TACR1: variants seen among roughly 807,000 people sequenced by gnomAD.
The protein encoded by TACR1 is tachykinin receptor 1.
Under a neutral mutation model 35.8 loss-of-function variants are expected in TACR1, and 25 were observed. That is an observed-to-expected ratio of 0.70 (90% CI 0.51 to 0.98). TACR1 has a LOEUF of 0.98. Among genes scored for constraint, TACR1 ranks in the 50% least tolerant of loss-of-function variants. TACR1 has a pLI of 0.00. For missense variants in TACR1, 478 were observed against 522.9 expected (o/e 0.91, Z 0.84); for synonymous variants, 195 against 206.7 (o/e 0.94, Z 0.48).
At chr2:75,050,977 G>T (rs556584603) in intron 4 of TACR1, 48 of 465,532 alleles carry the variant, frequency 1.0e-4, no homozygotes, top group African/African-American at 8.8e-4. Context: ...TCCCCCACTA[G>T]CTGCCAGTAT....
intron 1 of TACR1, among the ~76,000 whole-genome samples, chr2:75,142,499 A>ATT (rs1451287557): frequency 1.3e-5 from 2 of 152,266 alleles, no homozygotes; most frequent in Non-Finnish European, 2.9e-5. Context: ...GCAATGAATA[A>ATT]TAACGATAGA....
intron 2 of TACR1, among the ~76,000 whole-genome samples, chr2:75,056,568 C>T (rs969508120): frequency 1.3e-5 from 2 of 152,214 alleles, no homozygotes; most frequent in Non-Finnish European, 2.9e-5. Context: ...GGCCCTTCAG[C>T]TTGGGAACTG....
chr2:75,173,968 T>C (rs1675350998), intron 1 of TACR1, among the ~76,000 whole-genome samples: 1 of 152,202 alleles, frequency 6.6e-6, no homozygotes, highest in Non-Finnish European at 1.5e-5. Flanking sequence ...GTCTCCCTGG[T>C]GAGGGCTAAT....
chr2:75,111,595 ATGGTTT>A, intron 2 of TACR1, among the ~76,000 whole-genome samples: 1 of 152,162 alleles, frequency 6.6e-6, no homozygotes, highest in East Asian at 1.9e-4. Context: ...TAAGTAAATT[ATGGTTT>A]CTCCATATAA....
At chr2:75,162,927 T>C (rs939083763) in intron 1 of TACR1, among the ~76,000 whole-genome samples, 1 of 152,206 alleles carries the variant, frequency 6.6e-6, no homozygotes, top group Admixed American at 6.5e-5. Context: ...TGGGCCTACC[T>C]CATATTTTCC....
At chr2:75,135,213 T>C (rs1674254937) in intron 1 of TACR1, among the ~76,000 whole-genome samples, 1 of 152,218 alleles carries the variant, frequency 6.6e-6, no homozygotes, top group Admixed American at 6.5e-5. Flanking sequence ...CCTATTGCTC[T>C]TACTTATTGC....
chr2:75,147,204 C>G (rs1314704163), intron 1 of TACR1, among the ~76,000 whole-genome samples: 1 of 152,188 alleles, frequency 6.6e-6, no homozygotes, highest in Non-Finnish European at 1.5e-5. Flanking sequence ...AAAATGCCCC[C>G]ACCAAAGAGA....
intron 2 of TACR1, among the ~76,000 whole-genome samples, chr2:75,102,177 C>G (rs1007359940): frequency 6.6e-6 from 1 of 152,110 alleles, no homozygotes; most frequent in African/African-American, 2.4e-5. Flanking sequence ...TCCTGGTTGA[C>G]AATCTTCCAA....
chr2:75,092,044 T>C (rs1245624884), intron 2 of TACR1, among the ~76,000 whole-genome samples: 3 of 152,256 alleles, frequency 2.0e-5, no homozygotes, highest in African/African-American at 7.2e-5. Flanking sequence ...GTGAGGTGTT[T>C]GTTTTTGTTT....
At chr2:75,176,775 C>T (rs529603177) in intron 1 of TACR1, among the ~76,000 whole-genome samples, 1 of 152,300 alleles carries the variant, frequency 6.6e-6, no homozygotes, top group South Asian at 2.1e-4. Context: ...ATGGGCCTTC[C>T]TCTTAATGAC....
intron 4 of TACR1, among the ~76,000 whole-genome samples, chr2:75,050,397 C>G (rs187476478): frequency 1.1e-4 from 16 of 152,282 alleles, no homozygotes; most frequent in Non-Finnish European, 2.2e-4. Flanking sequence ...ACAGAAGGCA[C>G]CTTACAGGCT....
At chr2:75,069,633 C>T (rs930442778) in intron 2 of TACR1, among the ~76,000 whole-genome samples, 4 of 152,184 alleles carry the variant, frequency 2.6e-5, no homozygotes, top group Non-Finnish European at 5.9e-5. Flanking sequence ...CCTTAAACCC[C>T]TTTGGGCTGT....
chr2:75,174,214 G>T (rs1258276999), intron 1 of TACR1, among the ~76,000 whole-genome samples: 1 of 152,138 alleles, frequency 6.6e-6, no homozygotes, highest in Non-Finnish European at 1.5e-5. Flanking sequence ...ATTCTGTATT[G>T]TTTTCTAGTA....
At chr2:75,142,454 G>C (rs1674427773) in intron 1 of TACR1, among the ~76,000 whole-genome samples, 1 of 152,188 alleles carries the variant, frequency 6.6e-6, no homozygotes, top group Admixed American at 6.5e-5. Flanking sequence ...AAGCTCTTCA[G>C]TTAAGTCTCT....
At chr2:75,173,432 C>T (rs982731924) in intron 1 of TACR1, among the ~76,000 whole-genome samples, 2 of 152,186 alleles carry the variant, frequency 1.3e-5, no homozygotes, top group African/African-American at 4.8e-5. Context: ...TACCTCATCA[C>T]TGCCAATTGT....
chr2:75,190,224 G>A (rs1675809128), intron 1 of TACR1, among the ~76,000 whole-genome samples: 1 of 152,178 alleles, frequency 6.6e-6, no homozygotes, highest in Non-Finnish European at 1.5e-5. Flanking sequence ...AAACAATGAT[G>A]CTCACTCCAT....
Position 75,198,715 on chromosome 2 carries a change from G to A in TACR1, c.220C>T (p.Leu74=). 6.2e-7 allele frequency: 1 copy of A among 1,614,218 alleles called. No individual in the cohort carries two copies. Among genetic ancestry groups the A allele is most frequent in the Non-Finnish European group, 8.5e-7 (1 of 1,180,034 alleles). The part of the protein sequence containing the change: ...RTVTNYFLVN[L]AFAEASMAAF... ...GCCATGGAGGCCTCCGCGAAGGCCA[G>A]GTTCACCAGAAAATAGTTCGTCACT... The change falls in exon 1 of 5, where the codon CTG becomes TTG. Residue 74 remains leucine (L), a synonymous_variant. Transcript: ENST00000305249.
intron 2 of TACR1, among the ~76,000 whole-genome samples, chr2:75,071,457 T>C (rs1293139820): frequency 6.6e-6 from 1 of 152,216 alleles, no homozygotes; most frequent in Non-Finnish European, 1.5e-5. Context: ...CCCGCTCTCA[T>C]ATCCCAGAGT....
chr2:75,187,849 T>C (rs1391818733), intron 1 of TACR1: 1 of 152,348 alleles, frequency 6.6e-6, no homozygotes, highest in Non-Finnish European at 1.5e-5. Context: ...CTGCCTAAAG[T>C]CTTAGGATCA....
Sources: allele counts gnomAD v4.1 joint callset (sites outside exome capture counted in the v4.1 genomes callset), GRCh38; gene constraint gnomAD v4.1.1; transcripts MANE v1.5; gene names NCBI Gene and HGNC (gene_info 2026-07-23, HGNC 2026-07-21).